PKP2: variants seen among roughly 807,000 people sequenced by gnomAD.
PKP2 encodes the protein plakophilin 2, also known as plakophilin-2.
A neutral mutation model predicts 83.4 loss-of-function variants in PKP2; 73 were observed. The observed-to-expected ratio is 0.88, with a 90% confidence interval of 0.72 to 1.06. The LOEUF is 1.06. Ranked by LOEUF, PKP2 falls within the 50% of genes least tolerant of loss-of-function variation. PKP2 has a pLI of 0.00. For missense variants in PKP2, 966 were observed against 1,065.4 expected (o/e 0.91, Z 1.30); for synonymous variants, 409 against 430.4 (o/e 0.95, Z 0.62).
chr12:32,801,002 C>A (rs1387238028), intron 10 of PKP2, among the ~76,000 whole-genome samples: 1 of 152,200 alleles, frequency 6.6e-6, no homozygotes, highest in Non-Finnish European at 1.5e-5. Flanking sequence ...AGCTGACTTT[C>A]ACTTATTTCT....
At chr12:32,821,785 T>C in intron 8 of PKP2, 1 of 458,716 alleles carries the variant, frequency 2.2e-6, no homozygotes, top group East Asian at 4.5e-5. Flanking sequence ...ATTCAGAGAA[T>C]TAAGCATAGG....
At position 32,824,126 on chromosome 12, in the gene PKP2, C is replaced by G. The variant is rs760093803; in HGVS notation, c.1593G>C (p.Ala531=). The G allele has an allele frequency of 9.3e-6, 15 of 1,613,376 alleles. No individual in the cohort carries two copies. Among genetic ancestry groups the G allele is most frequent in the Admixed American group, 1.7e-5 (1 of 60,030 alleles). ...MSSAGADGRK[A]MRRCDGLIDS... ...CAATGAGTCCGTCACATCTTCTCAT[C>G]GCTTTTCTCCCATCAGCGCCAGCAG... The change falls in exon 7 of 13, where the codon GCG becomes GCC. Residue 531 remains alanine (A), a synonymous_variant. Transcript: ENST00000340811.
At chr12:32,793,143 A>G (rs1445853794) in intron 11 of PKP2, among the ~76,000 whole-genome samples, 1 of 152,028 alleles carries the variant, frequency 6.6e-6, no homozygotes, top group Non-Finnish European at 1.5e-5. Flanking sequence ...CGGGAGGCTG[A>G]GGCAGGAGAA....
At chr12:32,892,315 C>CTTT (rs375237005) in intron 1 of PKP2, among the ~76,000 whole-genome samples, 4 of 137,440 alleles carry the variant, frequency 2.9e-5, no homozygotes, top group Non-Finnish European at 3.1e-5. Flanking sequence ...CCAGAATTCA[C>CTTT]TTTTTTTTTT....
Position 32,892,819 on chromosome 12 carries a change from G to A in PKP2, c.223+3690C>T, listed in dbSNP as rs1287041960. Among the ~76,000 whole-genome samples, 2 of 23,636 alleles carry A rather than the reference G, an allele frequency of 8.5e-5. 1 individual carries two copies. The highest frequency in any genetic ancestry group is 2.0e-4 in the African/African-American group (2 of 9,774). The allele number at this position is 23,636 out of a possible 152,430, so 15.5% of individuals were successfully genotyped here. ...CCACTCAGATACCTGGGGTGGGGGC[G>A]GGGGGGGGGGGAGAACTGTGTAGCA... On this transcript the variant is annotated intron_variant, in intron 1 of 12. Transcript: ENST00000340811.
At chr12:32,806,995 T>C (rs937617880) in intron 9 of PKP2, among the ~76,000 whole-genome samples, 1 of 152,204 alleles carries the variant, frequency 6.6e-6, no homozygotes, top group African/African-American at 2.4e-5. Flanking sequence ...GCTGTTCAAT[T>C]TCTATGTACT....
chr12:32,844,547 C>CA (rs1329255197), intron 5 of PKP2, among the ~76,000 whole-genome samples: 3 of 152,190 alleles, frequency 2.0e-5, no homozygotes, highest in African/African-American at 7.2e-5. Flanking sequence ...CTAGAGGAGG[C>CA]AAAACCAGAA....
At chr12:32,847,101 G>GA (rs968932354) in intron 5 of PKP2, among the ~76,000 whole-genome samples, 413 of 145,694 alleles carry the variant, frequency 2.8e-3, no homozygotes, top group African/African-American at 9.8e-3. Context: ...TAGGGGTTCA[G>GA]AAAAAAAAAA....
Position 32,877,960 on chromosome 12 carries a change from C to A in PKP2, c.920G>T (p.Ser307Ile), listed in dbSNP as rs1329110314. 1 of 1,614,162 alleles carries A rather than the reference C, an allele frequency of 6.2e-7. No homozygotes were observed. Among genetic ancestry groups the A allele is most frequent in the South Asian group, 1.1e-5 (1 of 91,084 alleles). ...STRTLREAGP[S>I]VAVDSSGRRA... ...CCTCCCGCTGGAATCCACGGCGACA[C>A]TGGGCCCAGCTTCCCTCAGCGTGCG... Residue 307 changes from serine to isoleucine, a missense_variant, in exon 3 of 13, where the codon AGT (serine) becomes ATT (isoleucine). By Grantham distance (142) the Ser-to-Ile change is moderately radical (BLOSUM62 -2). Transcript: ENST00000340811.
chr12:32,796,988 A>G (rs1012349426), intron 10 of PKP2, among the ~76,000 whole-genome samples: 9 of 152,164 alleles, frequency 5.9e-5, no homozygotes, highest in African/African-American at 2.2e-4. Flanking sequence ...GAAAAACTAA[A>G]AAGCCTGAAT....
intron 9 of PKP2, among the ~76,000 whole-genome samples, chr12:32,809,046 G>A (rs1956252302): frequency 6.6e-6 from 1 of 152,206 alleles, no homozygotes; most frequent in African/African-American, 2.4e-5. Context: ...TGGCTGTAGA[G>A]CAGGTGTGCT....
intron 4 of PKP2, among the ~76,000 whole-genome samples, chr12:32,853,563 G>A (rs902589268): frequency 6.8e-6 from 1 of 148,138 alleles, no homozygotes; most frequent in Non-Finnish European, 1.5e-5. Flanking sequence ...TTGGAGTGCA[G>A]TGACACGATC....
intron 6 of PKP2, among the ~76,000 whole-genome samples, chr12:32,834,831 T>C (rs1048171999): frequency 2.0e-5 from 3 of 152,098 alleles, no homozygotes; most frequent in Admixed American, 2.0e-4. Flanking sequence ...ATTGGTTTTA[T>C]TGATGCTACA....
At position 32,851,548 on chromosome 12, in the gene PKP2, A is replaced by G. The variant is rs1592750949; in HGVS notation, c.1171-575T>C. Reference sequence around the variant, plus strand: ...CAGTGGCGGGATGTCGGCTCACTGCAAGCTCCGCCTCCCAGGTTCACACCA... The same window carrying G: ...CAGTGGCGGGATGTCGGCTCACTGCGAGCTCCGCCTCCCAGGTTCACACCA... On this transcript the variant is annotated intron_variant, in intron 4 of 12. Transcript: ENST00000340811. Among the ~76,000 whole-genome samples the G allele has an allele frequency of 2.6e-5, 4 of 152,192 alleles. No homozygotes were observed. In the South Asian group the frequency reaches 6.2e-4, roughly 24 times the overall value.
intron 3 of PKP2, among the ~76,000 whole-genome samples, chr12:32,870,534 C>A (rs998377251): frequency 5.3e-5 from 8 of 151,936 alleles, no homozygotes; most frequent in Non-Finnish European, 1.2e-4. Context: ...AAAATGCAGG[C>A]TATTACCACT....
chr12:32,895,697 ATCT>A (rs1244327028), intron 1 of PKP2, among the ~76,000 whole-genome samples: 1 of 152,222 alleles, frequency 6.6e-6, no homozygotes, highest in African/African-American at 2.4e-5. Flanking sequence ...GTGGCTTGCC[ATCT>A]TCTTTCCCTT....
chr12:32,808,145 C>T (rs1162024749), intron 9 of PKP2, among the ~76,000 whole-genome samples: 1 of 152,204 alleles, frequency 6.6e-6, no homozygotes, highest in African/African-American at 2.4e-5. Context: ...TTCTCCCTGT[C>T]TCCTTCAGGT....
At chr12:32,818,062 A>G (rs554179368) in intron 9 of PKP2, among the ~76,000 whole-genome samples, 3 of 152,220 alleles carry the variant, frequency 2.0e-5, no homozygotes, top group Non-Finnish European at 4.4e-5. Flanking sequence ...TAGTCTGTGA[A>G]AAAACTGTCT....
chr12:32,802,380 C>T (rs1555141620), intron 10 of PKP2, 23 bp downstream of exon 10: 3 of 1,608,770 alleles, frequency 1.9e-6, no homozygotes, highest in Non-Finnish European at 2.6e-6. Context: ...ACATATTACA[C>T]ATAGATACTT....
Sources: gnomAD v4.1 joint callset for allele counts (sites outside exome capture counted in the v4.1 genomes callset) on GRCh38, gnomAD v4.1.1 for gene constraint, MANE v1.5 for transcripts, NCBI Gene and HGNC (gene_info 2026-07-23, HGNC 2026-07-21) for gene names.